Variants in CDH13 observed in about 807,000 individuals in gnomAD.
The protein encoded by CDH13 is cadherin-13.
Under a neutral mutation model 63.8 loss-of-function variants are expected in CDH13, and 24 were observed. That is an observed-to-expected ratio of 0.38 (90% CI 0.27 to 0.53). The LOEUF (loss-of-function observed/expected upper bound fraction) is 0.53, where lower values mean the gene tolerates loss of function less well. Among genes scored for constraint, CDH13 ranks in the 20% least tolerant of loss-of-function variants. CDH13 has a pLI of 0.85. For synonymous variants in CDH13, 503 were observed against 355.3 expected (o/e 1.42, Z -4.67); for missense variants, 1,049 against 903.1 (o/e 1.16, Z -2.07).
At chr16:83,752,372 A>G (rs1011801717) in intron 11 of CDH13, among the ~76,000 whole-genome samples, 1 of 152,248 alleles carries the variant, frequency 6.6e-6, no homozygotes, top group African/African-American at 2.4e-5. Flanking sequence ...CCCGAATATT[A>G]AGAAGAACAA....
chr16:83,107,972 C>T (rs2151615506), intron 3 of CDH13, among the ~76,000 whole-genome samples: 1 of 152,060 alleles, frequency 6.6e-6, no homozygotes, highest in Non-Finnish European at 1.5e-5. Flanking sequence ...GTGCCTGCCA[C>T]CACAGCCACC....
At chr16:82,939,271 A>G (rs1023404598) in intron 2 of CDH13, among the ~76,000 whole-genome samples, 2 of 152,104 alleles carry the variant, frequency 1.3e-5, no homozygotes, top group African/African-American at 2.4e-5. Flanking sequence ...AGAAATACAA[A>G]AATTAGCCAG....
chr16:82,992,080 T>C (rs1489387935), intron 2 of CDH13, among the ~76,000 whole-genome samples: 1 of 152,202 alleles, frequency 6.6e-6, no homozygotes, highest in East Asian at 1.9e-4. Context: ...TTCGTAGAAG[T>C]GAAACGGCAC....
intron 5 of CDH13, among the ~76,000 whole-genome samples, chr16:83,343,486 G>C (rs183774824): frequency 4.6e-5 from 7 of 152,266 alleles, no homozygotes; most frequent in Non-Finnish European, 4.4e-5. Flanking sequence ...ATCAGGAGTG[G>C]TATAAAAACG....
At chr16:83,246,481 C>T (rs1049967177) in intron 5 of CDH13, among the ~76,000 whole-genome samples, 1 of 152,068 alleles carries the variant, frequency 6.6e-6, no homozygotes, top group Non-Finnish European at 1.5e-5. Context: ...GCTCTTAATC[C>T]TATCATTGGC....
At chr16:82,727,398 A>G (rs867077671) in intron 1 of CDH13, 1 of 152,162 alleles carries the variant, frequency 6.6e-6, no homozygotes, top group Non-Finnish European at 1.5e-5. Flanking sequence ...AGCTTAAATC[A>G]CAAATGTCTG....
At chr16:83,207,960 A>G (rs1187646161) in intron 4 of CDH13, among the ~76,000 whole-genome samples, 1 of 152,182 alleles carries the variant, frequency 6.6e-6, no homozygotes, top group Non-Finnish European at 1.5e-5. Flanking sequence ...AAGATGAAGG[A>G]TCTGGATGGT....
chr16:82,860,604 C>A (rs2039904627), intron 2 of CDH13, among the ~76,000 whole-genome samples: 1 of 150,756 alleles, frequency 6.6e-6, no homozygotes, highest in Non-Finnish European at 1.5e-5. Context: ...TTGATTAGCC[C>A]CTCTTGGTGA....
chr16:82,696,058 T>C (rs2150983704), intron 1 of CDH13, among the ~76,000 whole-genome samples: 1 of 152,322 alleles, frequency 6.6e-6, no homozygotes, highest in Non-Finnish European at 1.5e-5. Context: ...TGACATCTAC[T>C]TTCTGTAAAC....
At position 83,694,202 on chromosome 16, in the gene CDH13, A is replaced by G. The variant is rs537958872; in HGVS notation, c.1538+15741A>G. Among the ~76,000 whole-genome samples, 4 of 152,344 alleles carry G rather than the reference A, an allele frequency of 2.6e-5. No individual in the cohort carries two copies. In the East Asian group the frequency reaches 5.8e-4, roughly 22 times the overall value. On this transcript the variant is annotated intron_variant, in intron 10 of 13. Transcript: ENST00000567109. ...GAAGGAGGGATTAGGGACCACCACAAAGAGAACAGCTGAGTTCTCATGTTA... is the reference window on the plus strand; with the variant it reads ...GAAGGAGGGATTAGGGACCACCACAGAGAGAACAGCTGAGTTCTCATGTTA...
At chr16:82,683,922 G>C (rs552984605) in intron 1 of CDH13, among the ~76,000 whole-genome samples, 66 of 152,262 alleles carry the variant, frequency 4.3e-4, no homozygotes, top group African/African-American at 1.6e-3. Flanking sequence ...TTCTTTTACA[G>C]AACTAATAAA....
At chr16:83,079,942 G>A (rs1217917442) in intron 3 of CDH13, among the ~76,000 whole-genome samples, 1 of 152,206 alleles carries the variant, frequency 6.6e-6, no homozygotes, top group African/African-American at 2.4e-5. Context: ...ACTGGATAAA[G>A]TTGAGTCGCA....
At chr16:82,721,091 C>T (rs1370653906) in intron 1 of CDH13, among the ~76,000 whole-genome samples, 2 of 152,166 alleles carry the variant, frequency 1.3e-5, no homozygotes, top group Non-Finnish European at 1.5e-5. Flanking sequence ...TCCAAGGGTG[C>T]TCAGTTAATT....
rs1375468800 is a variant in CDH13 at position 83,093,343 on chromosome 16, C to CTTCG, written c.367-32040_367-32037dup. On this transcript the variant is annotated intron_variant, in intron 3 of 13. Coordinates refer to ENST00000567109, the MANE Select transcript of CDH13 (RefSeq NM_001257.5). The stretch of plus-strand genomic sequence containing the variant: ...TTTTTTTTTTTTTTTGAGGTGGAGT[C>CTTCG]TTCGTCTTTTGCCCCGGCTGGAGTG... 5.4e-3 allele frequency among the ~76,000 whole-genome samples: 343 copies of CTTCG among 63,040 alleles called. 2 individuals carry two copies. The highest frequency in any genetic ancestry group is 0.018 in the African/African-American group (316 of 17,952). 41.4% of individuals were successfully genotyped at this position (63,040 alleles called of 152,430 possible).
intron 5 of CDH13, among the ~76,000 whole-genome samples, chr16:83,223,074 G>GCTTCC (rs1567518620): frequency 5.3e-5 from 8 of 151,942 alleles, no homozygotes; most frequent in Admixed American, 4.6e-4. Flanking sequence ...GGGCAAAATT[G>GCTTCC]AGAACCACTG....
At chr16:83,467,396 T>G (rs2073343503) in intron 6 of CDH13, among the ~76,000 whole-genome samples, 1 of 152,180 alleles carries the variant, frequency 6.6e-6, no homozygotes, top group African/African-American at 2.4e-5. Context: ...TGTCACACAT[T>G]CATCTTCCCC....
intron 1 of CDH13, among the ~76,000 whole-genome samples, chr16:82,793,848 A>C (rs1161308666): frequency 1.3e-5 from 2 of 152,204 alleles, no homozygotes; most frequent in African/African-American, 4.8e-5. Context: ...GGAAGATGGG[A>C]GTCTCAGAAT....
intron 1 of CDH13, among the ~76,000 whole-genome samples, chr16:82,741,507 C>A (rs914658060): frequency 6.6e-6 from 1 of 152,198 alleles, no homozygotes; most frequent in African/African-American, 2.4e-5. Context: ...CATTCATGCG[C>A]CTTTTGCTGC....
At chr16:83,200,360 T>G (rs2038990400) in intron 4 of CDH13, among the ~76,000 whole-genome samples, 1 of 152,186 alleles carries the variant, frequency 6.6e-6, no homozygotes, top group South Asian at 2.1e-4. Context: ...TAAACCAGTC[T>G]CCTTTTCTGC....
Sources: gnomAD v4.1 joint callset for allele counts (sites outside exome capture counted in the v4.1 genomes callset) on GRCh38, gnomAD v4.1.1 for gene constraint, MANE v1.5 for transcripts, NCBI Gene and HGNC (gene_info 2026-07-23, HGNC 2026-07-21) for gene names.